Variants in SALL3 observed in about 807,000 individuals in gnomAD.
SALL3 encodes spalt like transcription factor 3, also known as sal-like protein 3.
SALL3 carries 25 observed loss-of-function variants against 66.2 expected under a neutral mutation model. The ratio of observed to expected loss-of-function variants is 0.38; its 90% confidence interval spans 0.28 to 0.53. The LOEUF is 0.53. Among genes scored for constraint, SALL3 ranks in the 20% least tolerant of loss-of-function variants. The probability of loss-of-function intolerance (pLI) is 0.85; values close to 1 mark genes in which losing one functional copy is unlikely to be tolerated. For synonymous variants in SALL3, 1,152 were observed against 899.1 expected (o/e 1.28, Z -5.03); for missense variants, 2,194 against 1,916.5 (o/e 1.14, Z -2.70).
rs1392534064 is a variant in SALL3 at position 78,995,063 on chromosome 18, A to T, written c.3072A>T (p.Leu1024Phe). Residue 1024 changes from leucine to phenylalanine, a missense_variant, in exon 2 of 3, where the codon TTA becomes TTT. By Grantham distance (22) the Leu-to-Phe change is conservative. Transcript: ENST00000537592. ...CSTMGNLKQHLLTHRLKELPS... is the reference protein window; with the variant it reads ...CSTMGNLKQHFLTHRLKELPS... ...CTATGGGTAATTTAAAACAGCACTT[A>T]CTGACACACAGATTGAAAGAGCTGC... 1.9e-6 allele frequency: 3 copies of T among 1,613,726 alleles called. No individual in the cohort carries two copies. In the East Asian group the frequency reaches 6.7e-5, roughly 36 times the overall value.
chr18:78,984,257 A>G (rs1914165113), intron 1 of SALL3, among the ~76,000 whole-genome samples: 1 of 152,222 alleles, frequency 6.6e-6, no homozygotes, highest in Non-Finnish European at 1.5e-5. Context: ...AAGCACAACC[A>G]GGGTTTCTAT....
intron 1 of SALL3, among the ~76,000 whole-genome samples, chr18:78,983,388 A>G (rs570267575): frequency 2.0e-5 from 3 of 152,368 alleles, no homozygotes; most frequent in South Asian, 4.1e-4. Flanking sequence ...TGTATAAAAT[A>G]TAATTTAAGA....
At position 78,992,440 on chromosome 18, in the gene SALL3, C is replaced by T. The variant is rs1197931609; in HGVS notation, c.449C>T (p.Ala150Val). 5 of 1,379,412 alleles carry T rather than the reference C, an allele frequency of 3.6e-6. No homozygotes were observed. Among genetic ancestry groups the T allele is most frequent in the South Asian group, 1.5e-5 (1 of 67,264 alleles). 85.4% of individuals were successfully genotyped at this position (1,379,412 alleles called of 1,614,324 possible). A position where few individuals can be genotyped will look rare whatever the true frequency, so the allele number is the denominator to read the frequency against. The change falls in exon 2 of 3, where the codon GCG (alanine) becomes GTG (valine). Residue 150 changes from alanine (A) to valine (V), a missense_variant. Ala to Val is a moderately conservative substitution (Grantham distance 64, BLOSUM62 0). Transcript: ENST00000537592. ...GDTRAPRPPPAAPAPPTPAYG... is the reference protein window; with the variant it reads ...GDTRAPRPPPVAPAPPTPAYG... Reference sequence around the variant, plus strand: ...ACGCGCGCGCCCCGGCCCCCGCCTGCGGCCCCTGCACCCCCAACGCCCGCC... The same window carrying T: ...ACGCGCGCGCCCCGGCCCCCGCCTGTGGCCCCTGCACCCCCAACGCCCGCC...
Position 78,992,203 on chromosome 18 carries a change from G to T in SALL3, c.212G>T (p.Arg71Leu). Residue 71 changes from arginine to leucine, a missense_variant, in exon 2 of 3, where the codon CGG becomes CTG. Coordinates refer to ENST00000537592, the MANE Select transcript of SALL3 (RefSeq NM_171999.4). ...TGGGCGGACTTCCTGGAGCACCAGC[G>T]GAGCTGCACCAAGCTCCCGCCCGTG... The part of the protein sequence containing the change: ...FKWADFLEHQ[R>L]SCTKLPPVLI... The T allele has an allele frequency of 2.5e-6, 4 of 1,609,934 alleles. No homozygotes were observed. The highest frequency in any genetic ancestry group is 3.4e-6 in the Non-Finnish European group (4 of 1,179,102).
In SALL3 at chr18:78,993,524, C is replaced by T. The variant is rs1193500076; in HGVS notation, c.1533C>T (p.Thr511=). 1.9e-6 allele frequency: 3 copies of T among 1,598,472 alleles called. No homozygotes were observed. The highest frequency in any genetic ancestry group is 1.7e-5 in the Admixed American group (1 of 57,360). The stretch of plus-strand genomic sequence containing the variant: ...TGCCCCCCGAGAAGCCCGTGACCAC[C>T]TGGCTGGACAGCAAGCCCGTGCTGC... ...MSLPPEKPVT[T]WLDSKPVLPT... is the part of the protein sequence containing the mutation. Residue 511 remains threonine (T), a synonymous_variant, in exon 2 of 3, where the codon ACC becomes ACT. Transcript: ENST00000537592.
In SALL3 at chr18:78,996,894, C is replaced by T. The variant is rs756279553; in HGVS notation, c.3475C>T (p.His1159Tyr). 6.2e-7 allele frequency: 1 copy of T among 1,605,762 alleles called. No individual in the cohort carries two copies. Among genetic ancestry groups the T allele is most frequent in the Non-Finnish European group, 8.5e-7 (1 of 1,174,818 alleles). ...GCTGTCTCCGTGTCTCGCGCAGGTG[C>T]ACATGGGGACACACATGTGGAATAA... is the stretch of plus-strand genomic sequence containing the variant. ...AFTTKGNLKVHMGTHMWNNAP... is the reference protein window; with the variant it reads ...AFTTKGNLKVYMGTHMWNNAP... The change falls in exon 3 of 3, where the codon CAC (histidine) becomes TAC (tyrosine). Residue 1159 changes from histidine to tyrosine, a missense_variant. Physicochemically the swap from His to Tyr is moderately conservative, Grantham distance 83. Coordinates refer to ENST00000537592, the MANE Select transcript of SALL3 (RefSeq NM_171999.4).
chr18:78,996,326 C>T lies in SALL3; in HGVS notation c.3472-565C>T, dbSNP rs779701869. 2.4e-4 allele frequency among the ~76,000 whole-genome samples: 36 copies of T among 152,246 alleles called. 1 individual carries two copies. The highest frequency in any genetic ancestry group is 1.3e-4 in the Non-Finnish European group (9 of 68,052). On this transcript the variant is annotated intron_variant, in intron 2 of 2. Coordinates refer to ENST00000537592, the MANE Select transcript of SALL3 (RefSeq NM_171999.4). The stretch of plus-strand genomic sequence containing the variant: ...TTGCAAAGCCAGCCTGTCTGGGTTC[C>T]GGCAGCCTCTTCAGACAGCCCAAAG...
At position 78,985,347 on chromosome 18, in the gene SALL3, CTTTCT is replaced by C. The variant is rs533887126; in HGVS notation, c.82+4995_82+4999del. On this transcript the variant is annotated intron_variant, in intron 1 of 2. Coordinates refer to ENST00000537592, the MANE Select transcript of SALL3 (RefSeq NM_171999.4). ...GTTCTTAAAGAAGAAGAGAAAACGG[CTTTCT>C]TTTGTGTCGTTATTGCATCTTGAAC... Among the ~76,000 whole-genome samples the C allele has an allele frequency of 4.0e-3, 607 of 152,324 alleles. 1 individual carries two copies. The highest frequency in any genetic ancestry group is 8.9e-3 in the Admixed American group (136 of 15,294).
chr18:78,994,407 G>A lies in SALL3; in HGVS notation c.2416G>A (p.Glu806Lys), dbSNP rs1914600691. ...TGACGACATGGACGAGAACTCCATG[G>A]AGGACGACGCTGAGCTGAAGGACGC... Reference protein sequence around the residue: ...YDDDMDENSMEDDAELKDAAT... With the variant: ...YDDDMDENSMKDDAELKDAAT... The change falls in exon 2 of 3, where the codon GAG becomes AAG. Residue 806 changes from glutamate (E) to lysine (K), a missense_variant. Transcript: ENST00000537592. The A allele has an allele frequency of 6.2e-7, 1 of 1,612,880 alleles. No homozygotes were observed. Among genetic ancestry groups the A allele is most frequent in the South Asian group, 1.1e-5 (1 of 91,082 alleles).
Position 78,994,902 on chromosome 18 carries a change from C to G in SALL3, c.2911C>G (p.Arg971Gly). 1 of 1,612,492 alleles carries G rather than the reference C, an allele frequency of 6.2e-7. No individual in the cohort carries two copies. The highest frequency in any genetic ancestry group is 8.5e-7 in the Non-Finnish European group (1 of 1,179,594). The change falls in exon 2 of 3, where the codon CGG becomes GGG. Residue 971 changes from arginine to glycine, a missense_variant. Arg to Gly is a moderately radical substitution (Grantham distance 125). Coordinates refer to ENST00000537592, the MANE Select transcript of SALL3 (RefSeq NM_171999.4). The stretch of plus-strand genomic sequence containing the variant: ...CAGCCTGCTGTTCCTGAGCAGGGAG[C>G]GGGGTAAGTGTCCCAGCACTGTGTG... ...PFSLLFLSRERGKCPSTVCGV... is the reference protein window; with the variant it reads ...PFSLLFLSREGGKCPSTVCGV...
intron 1 of SALL3, 109 bp from the exon 2 acceptor site, chr18:78,991,965 G>A (rs1465771295): frequency 3.4e-6 from 3 of 877,768 alleles, no homozygotes; most frequent in Admixed American, 3.8e-5. Flanking sequence ...CAGAAATGTC[G>A]AAGTGGGGTA....
rs373055868 is a variant in SALL3 at position 78,993,935 on chromosome 18, G to A, written c.1944G>A (p.Pro648=). The A allele has an allele frequency of 3.7e-6, 6 of 1,608,348 alleles. No homozygotes were observed. The highest frequency in any genetic ancestry group is 2.7e-5 in the African/African-American group (2 of 74,912). ...AVSEQFKAQF[P]FGGLLDSMQT... ...CCGAGCAGTTCAAGGCCCAGTTTCC[G>A]TTCGGGGGGCTGCTAGACTCGATGC... is the stretch of plus-strand genomic sequence containing the variant. The change falls in exon 2 of 3, where the codon CCG becomes CCA. Residue 648 remains proline (P), a synonymous_variant. Coordinates refer to ENST00000537592, the MANE Select transcript of SALL3 (RefSeq NM_171999.4).
chr18:78,983,483 ATT>A (rs1474808932), intron 1 of SALL3, among the ~76,000 whole-genome samples: 3 of 152,322 alleles, frequency 2.0e-5, no homozygotes, highest in African/African-American at 7.2e-5. Flanking sequence ...ACCATCCTGT[ATT>A]TTGTTTGTTA....
Position 78,996,799 on chromosome 18 carries a change from G to A in SALL3, c.3472-92G>A, listed in dbSNP as rs1022712559. On this transcript the variant is annotated intron_variant, in intron 2 of 2. Transcript: ENST00000537592. The stretch of plus-strand genomic sequence containing the variant: ...TTGTCCGTAAGTCGCGCTTGGGAGC[G>A]GGGTGGACCTCTGTCTGCTGCGCTG... 22 of 1,315,602 alleles carry A rather than the reference G, an allele frequency of 1.7e-5. 1 individual carries two copies. Among genetic ancestry groups the A allele is most frequent in the African/African-American group, 3.0e-5 (2 of 67,666 alleles). The allele number at this position is 1,315,602 out of a possible 1,614,324, so 81.5% of individuals were successfully genotyped here.
chr18:78,997,903 C>T lies in SALL3; in HGVS notation c.*581C>T, dbSNP rs1396692439. 2.0e-5 allele frequency: 3 copies of T among 151,134 alleles called. No homozygotes were observed. Among genetic ancestry groups the T allele is most frequent in the African/African-American group, 7.4e-5 (3 of 40,792 alleles). The allele number at this position is 151,134 out of a possible 1,614,324, so 9.4% of individuals were successfully genotyped here. A position where few individuals can be genotyped will look rare whatever the true frequency, so the allele number is the denominator to read the frequency against. On this transcript the variant is annotated 3_prime_UTR_variant, in exon 3 of 3. Coordinates refer to ENST00000537592, the MANE Select transcript of SALL3 (RefSeq NM_171999.4). The stretch of plus-strand genomic sequence containing the variant: ...TGGCTGTGTGATTTTTTTTTTTAAG[C>T]AAGATTTGTTTTACTATAAATAAGT...
At chr18:78,983,974 A>G (rs563754031) in intron 1 of SALL3, among the ~76,000 whole-genome samples, 1 of 152,242 alleles carries the variant, frequency 6.6e-6, no homozygotes, top group Non-Finnish European at 1.5e-5. Context: ...GCAGAGAGAG[A>G]GAGCTGATTA....
chr18:78,985,288 T>G (rs1914207500), intron 1 of SALL3, among the ~76,000 whole-genome samples: 2 of 152,246 alleles, frequency 1.3e-5, no homozygotes. Context: ...GCACGGCTTC[T>G]CAGACGCCAT....
intron 2 of SALL3, among the ~76,000 whole-genome samples, chr18:78,996,198 C>T (rs1324470958): frequency 6.6e-6 from 1 of 152,180 alleles, no homozygotes; most frequent in Non-Finnish European, 1.5e-5. Context: ...GAGATCGCAG[C>T]AGCAGCGGTA....
chr18:78,992,593 C>A lies in SALL3; in HGVS notation c.602C>A (p.Ala201Asp). The change falls in exon 2 of 3, where the codon GCC (alanine) becomes GAC (aspartate). Residue 201 changes from alanine to aspartate, a missense_variant. Physicochemically the swap from Ala to Asp is moderately radical, Grantham distance 126. Coordinates refer to ENST00000537592, the MANE Select transcript of SALL3 (RefSeq NM_171999.4). ...SGAGGGVAAAAVPLILEQLMA... is the reference protein window; with the variant it reads ...SGAGGGVAAADVPLILEQLMA... ...GCAGGTGGAGGCGTGGCAGCTGCAGCCGTGCCCCTGATCCTGGAACAGCTC... is the reference window on the plus strand; with the variant it reads ...GCAGGTGGAGGCGTGGCAGCTGCAGACGTGCCCCTGATCCTGGAACAGCTC... The A allele has an allele frequency of 6.6e-7, 1 of 1,523,274 alleles. No homozygotes were observed. The allele number at this position is 1,523,274 out of a possible 1,614,324, so 94.4% of individuals were successfully genotyped here.
Sources: gnomAD v4.1 joint callset for allele counts (sites outside exome capture counted in the v4.1 genomes callset) on GRCh38, gnomAD v4.1.1 for gene constraint, MANE v1.5 for transcripts, NCBI Gene and HGNC (gene_info 2026-07-23, HGNC 2026-07-21) for gene names.